The following KIF16B variants were observed in gnomAD, a reference collection of about 807,000 sequenced individuals.
The protein encoded by KIF16B is kinesin family member 16B, also known as kinesin-like protein KIF16B.
In KIF16B, 98 loss-of-function variants were observed where a neutral mutation model predicts 156.3. The observed-to-expected ratio is 0.63, with a 90% CI of 0.53 to 0.74. KIF16B has a LOEUF of 0.74. KIF16B is among the 30% of genes least tolerant of loss of function. The pLI, the probability that KIF16B is intolerant of heterozygous loss-of-function variation, is 0.00. For synonymous variants in KIF16B, 564 were observed against 583.7 expected (o/e 0.97, Z 0.49); for missense variants, 1,421 against 1,606.5 (o/e 0.88, Z 1.97).
intron 25 of KIF16B, among the ~76,000 whole-genome samples, chr20:16,308,059 A>G (rs2063566744): frequency 6.6e-6 from 1 of 152,166 alleles, no homozygotes; most frequent in South Asian, 2.1e-4. Context: ...TTATACTTTA[A>G]TGAATTTGAC....
chr20:16,327,660 C>T (rs1010381913), intron 24 of KIF16B, among the ~76,000 whole-genome samples: 3 of 152,068 alleles, frequency 2.0e-5, no homozygotes, highest in Admixed American at 2.0e-4. Context: ...ATGCTCATTG[C>T]GCCTCCACTC....
At chr20:16,501,776 T>C (rs563329626) in intron 10 of KIF16B, among the ~76,000 whole-genome samples, 5 of 152,246 alleles carry the variant, frequency 3.3e-5, no homozygotes, top group East Asian at 3.9e-4. Context: ...ATTTCATTTA[T>C]ATAAAGAACA....
chr20:16,532,519 C>T (rs1408389910), intron 1 of KIF16B, among the ~76,000 whole-genome samples: 1 of 152,164 alleles, frequency 6.6e-6, no homozygotes, highest in African/African-American at 2.4e-5. Flanking sequence ...GTTCATGTGG[C>T]TACAAAACAA....
At chr20:16,294,527 G>A (rs1266551864) in intron 25 of KIF16B, among the ~76,000 whole-genome samples, 2 of 152,172 alleles carry the variant, frequency 1.3e-5, no homozygotes, top group Non-Finnish European at 2.9e-5. Flanking sequence ...TGCAGGACGG[G>A]AGGCAGGCCC....
At chr20:16,409,936 C>T (rs1391903988) in intron 15 of KIF16B, among the ~76,000 whole-genome samples, 1 of 123,528 alleles carries the variant, frequency 8.1e-6, no homozygotes. Flanking sequence ...TACCTTCCTA[C>T]CCACTTACCT....
chr20:16,310,653 T>C (rs2063605687), intron 25 of KIF16B, among the ~76,000 whole-genome samples: 1 of 152,182 alleles, frequency 6.6e-6, no homozygotes, highest in Non-Finnish European at 1.5e-5. Context: ...AAGAAAATCA[T>C]CCCTAGTTCT....
At chr20:16,435,300 G>T (rs2066613885) in intron 12 of KIF16B, among the ~76,000 whole-genome samples, 1 of 152,230 alleles carries the variant, frequency 6.6e-6, no homozygotes, top group Non-Finnish European at 1.5e-5. Context: ...CATGGTGCAT[G>T]TTGGGCAGTA....
chr20:16,571,950 A>G (rs964921820), intron 1 of KIF16B, among the ~76,000 whole-genome samples: 17 of 152,164 alleles, frequency 1.1e-4, no homozygotes, highest in African/African-American at 4.1e-4. Context: ...AAAGTTACAC[A>G]ATACAATTTT....
At chr20:16,435,183 T>G (rs1600389750) in intron 12 of KIF16B, among the ~76,000 whole-genome samples, 1 of 152,326 alleles carries the variant, frequency 6.6e-6, no homozygotes, top group South Asian at 2.1e-4. Context: ...ACATTTTTCA[T>G]AAGTGTTTCA....
intron 17 of KIF16B, among the ~76,000 whole-genome samples, chr20:16,397,016 C>A (rs2065524202): frequency 6.6e-6 from 1 of 152,172 alleles, no homozygotes; most frequent in Non-Finnish European, 1.5e-5. Context: ...GTGAAAAATT[C>A]TTTTATTTTC....
rs996800502 is a variant in KIF16B at position 16,279,638 on chromosome 20, G to A, written c.3796-6227C>T. On this transcript the variant is annotated intron_variant, in intron 25 of 25. Coordinates refer to ENST00000354981, the MANE Select transcript of KIF16B (RefSeq NM_024704.5). ...TCTGCCTATCACGCTCTTCTCTTAG[G>A]AAAAGGTCGATCCTAGGAGGCTCTG... is the stretch of plus-strand genomic sequence containing the variant. 3.3e-5 allele frequency among the ~76,000 whole-genome samples: 5 copies of A among 152,062 alleles called. No homozygotes were observed. The South Asian group carries it at 6.2e-4, about 19-fold the overall frequency.
intron 1 of KIF16B, among the ~76,000 whole-genome samples, chr20:16,553,778 C>T (rs2143986): frequency 0.34 from 51,875 of 152,178 alleles, 8,886 homozygotes; most frequent in African/African-American, 0.36. Context: ...CTGGCTACAG[C>T]GGGGGAGGTG....
chr20:16,274,640 G>A (rs1481786149), intron 25 of KIF16B, among the ~76,000 whole-genome samples: 3 of 152,202 alleles, frequency 2.0e-5, no homozygotes, highest in Non-Finnish European at 2.9e-5. Context: ...ATTTGTGAAA[G>A]CAACATGGCC....
At chr20:16,478,510 C>A (rs6044000) in intron 12 of KIF16B, among the ~76,000 whole-genome samples, 54,436 of 152,014 alleles carry the variant, frequency 0.36, 10,601 homozygotes, top group African/African-American at 0.51. Context: ...AAATTCTAGG[C>A]AGAAACAATT....
At chr20:16,407,482 TGGAGCCTGGAGTAGCTGG>T (rs1314427262) in intron 15 of KIF16B, among the ~76,000 whole-genome samples, 1 of 151,898 alleles carries the variant, frequency 6.6e-6, no homozygotes, top group East Asian at 1.9e-4. Context: ...AAGTGACGAG[TGGAGCCTGGAGTAGCTGG>T]GGACAGGCTT....
At chr20:16,483,808 T>C (rs759241103) in intron 12 of KIF16B, among the ~76,000 whole-genome samples, 1 of 152,160 alleles carries the variant, frequency 6.6e-6, no homozygotes, top group Non-Finnish European at 1.5e-5. Flanking sequence ...TGGCTCACTA[T>C]TGCTCCACCA....
At chr20:16,459,541 A>C (rs1369122545) in intron 12 of KIF16B, among the ~76,000 whole-genome samples, 1 of 152,188 alleles carries the variant, frequency 6.6e-6, no homozygotes, top group Non-Finnish European at 1.5e-5. Flanking sequence ...AGATGACTCA[A>C]GTGTAACAGA....
chr20:16,504,773 C>A (rs1205702347), intron 9 of KIF16B, among the ~76,000 whole-genome samples: 2 of 152,134 alleles, frequency 1.3e-5, no homozygotes, highest in African/African-American at 4.8e-5. Context: ...AATCAACCAC[C>A]TAACCAAGTC....
rs140685549 is a variant in KIF16B at position 16,387,920 on chromosome 20, G to A, written c.1785-6173C>T. On this transcript the variant is annotated intron_variant, in intron 17 of 25. Coordinates refer to ENST00000354981, the MANE Select transcript of KIF16B (RefSeq NM_024704.5). ...TTAAGGGAAGTTGTCAAGATCAGGCGCTTGAGGCTGTTGCTCTGGCCTCTG... is the reference window on the plus strand; with the variant it reads ...TTAAGGGAAGTTGTCAAGATCAGGCACTTGAGGCTGTTGCTCTGGCCTCTG... 4.8e-4 allele frequency among the ~76,000 whole-genome samples: 73 copies of A among 152,296 alleles called. No individual in the cohort carries two copies. In the East Asian group the frequency reaches 0.012, roughly 26 times the overall value.
Sources: gnomAD v4.1 joint callset for allele counts (sites outside exome capture counted in the v4.1 genomes callset) on GRCh38, gnomAD v4.1.1 for gene constraint, MANE v1.5 for transcripts, NCBI Gene and HGNC (gene_info 2026-07-23, HGNC 2026-07-21) for gene names.